The following TENM3 variants were observed in gnomAD, a reference collection of about 807,000 sequenced individuals.
The protein encoded by TENM3 is teneurin transmembrane protein 3, also known as teneurin-3.
TENM3 carries 63 observed loss-of-function variants against 255.1 expected under a neutral mutation model. The observed-to-expected ratio is 0.25, with a 90% CI of 0.20 to 0.30. The LOEUF is 0.30. TENM3 is among the 10% of genes least tolerant of loss of function. The pLI, the probability that TENM3 is intolerant of heterozygous loss-of-function variation, is 1.00. For missense variants in TENM3, 2,929 were observed against 3,461.1 expected, an observed-to-expected ratio of 0.85 and a Z score of 3.86; for synonymous variants, 1,306 against 1,322.3, an observed-to-expected ratio of 0.99 and a Z score of 0.27.
chr4:181,649,560 C>T, the TENM3 span, among the ~76,000 whole-genome samples: 3 of 152,128 alleles, frequency 2.0e-5, no homozygotes, highest in Admixed American at 1.3e-4. Context: ...TCAGGAACTG[C>T]TAATGAAGAG....
At chr4:181,953,790 G>A in the TENM3 span, among the ~76,000 whole-genome samples, 215 of 151,986 alleles carry the variant, frequency 1.4e-3, no homozygotes, top group African/African-American at 4.9e-3. Context: ...TTGACATTCA[G>A]GTATAATTTA....
intron 3 of TENM3, among the ~76,000 whole-genome samples, chr4:182,559,991 A>G (rs1402226400): frequency 1.3e-5 from 2 of 152,116 alleles, no homozygotes; most frequent in Non-Finnish European, 2.9e-5. Flanking sequence ...TTTATTACAC[A>G]TTGTATCCCT....
rs1766823471 is a variant in TENM3 at position 182,800,115 on chromosome 4, G to C, written c.7864G>C (p.Glu2622Gln). ...GGACGAGGAGAAGGCGCGCATCCTGGAGCAGGCGCGGCAGCGCGCGCTCGC... is the reference window on the plus strand; with the variant it reads ...GGACGAGGAGAAGGCGCGCATCCTGCAGCAGGCGCGGCAGCGCGCGCTCGC... ...TLDEEKARIL[E>Q]QARQRALARA... The change falls in exon 28 of 28, where the codon GAG (glutamate) becomes CAG (glutamine). Residue 2622 changes from glutamate to glutamine, a missense_variant. Around this residue, in one of 6 missense-constraint regions of TENM3, gnomAD observed 476 missense variants for 480.1 expected, o/e 0.99. Coordinates refer to ENST00000511685, the MANE Select transcript of TENM3 (RefSeq NM_001080477.4). 1 of 1,538,626 alleles carries C rather than the reference G, an allele frequency of 6.5e-7. No homozygotes were observed. The highest frequency in any genetic ancestry group is 2.2e-5 in the Admixed American group (1 of 46,474).
chr4:181,517,263 G>T, the TENM3 span, among the ~76,000 whole-genome samples: 1 of 152,108 alleles, frequency 6.6e-6, no homozygotes, highest in Non-Finnish European at 1.5e-5. Flanking sequence ...ATTTTATGAG[G>T]AACTGACATT....
chr4:182,289,469 G>A (rs1760968160), intron 1 of TENM3, among the ~76,000 whole-genome samples: 1 of 152,204 alleles, frequency 6.6e-6, no homozygotes, highest in Non-Finnish European at 1.5e-5. Context: ...AGGGACACAT[G>A]TATACTTGTC....
intron 1 of TENM3, among the ~76,000 whole-genome samples, chr4:182,299,010 A>AAAAAAAAAAAAAG: frequency 8.1e-6 from 1 of 123,252 alleles, no homozygotes; most frequent in Non-Finnish European, 1.6e-5. Context: ...AAAAAAAAAA[A>AAAAAAAAAAAAAG]AAAAAAGAGG....
chr4:181,637,141 G>C, the TENM3 span, among the ~76,000 whole-genome samples: 1 of 152,164 alleles, frequency 6.6e-6, no homozygotes, highest in African/African-American at 2.4e-5. Context: ...ACAAGATTGC[G>C]AAGCCCCTTC....
chr4:182,193,095 C>T (rs1753620756), intron 1 of TENM3, among the ~76,000 whole-genome samples: 1 of 152,084 alleles, frequency 6.6e-6, no homozygotes, highest in African/African-American at 2.4e-5. Flanking sequence ...TTGTGTATTC[C>T]CATGAGTGTA....
intron 12 of TENM3, among the ~76,000 whole-genome samples, chr4:182,695,002 T>C (rs9996398): frequency 0.12 from 17,579 of 152,256 alleles, 1,253 homozygotes; most frequent in African/African-American, 0.19. Flanking sequence ...CAATATTCTT[T>C]GCAACTTTTG....
chr4:182,217,418 C>T (rs1310292465), intron 1 of TENM3, among the ~76,000 whole-genome samples: 1 of 152,086 alleles, frequency 6.6e-6, no homozygotes, highest in Non-Finnish European at 1.5e-5. Flanking sequence ...ATGTTTATAT[C>T]AAATAGGATA....
the TENM3 span, among the ~76,000 whole-genome samples, chr4:181,740,373 CTTTA>C: frequency 1.8e-4 from 28 of 152,002 alleles, no homozygotes; most frequent in South Asian, 5.6e-3. Context: ...AGAATATTAA[CTTTA>C]TTTAACATGT....
intron 4 of TENM3, among the ~76,000 whole-genome samples, chr4:182,617,333 G>T (rs753375040): frequency 2.6e-5 from 4 of 152,216 alleles, no homozygotes; most frequent in Middle Eastern, 6.8e-3. Flanking sequence ...ATCTTAAAAT[G>T]AACTCTAGGC....
intron 3 of TENM3, among the ~76,000 whole-genome samples, chr4:182,572,406 C>T (rs552131768): frequency 4.6e-5 from 7 of 152,172 alleles, no homozygotes; most frequent in Non-Finnish European, 1.0e-4. Flanking sequence ...TACTTAAATG[C>T]CAGCCACAGC....
chr4:182,466,004 C>T (rs1236650849), intron 3 of TENM3, among the ~76,000 whole-genome samples: 1 of 152,020 alleles, frequency 6.6e-6, no homozygotes, highest in African/African-American at 2.4e-5. Context: ...TTATTGAAGG[C>T]TGAAACCAAA....
chr4:181,974,725 C>T, the TENM3 span, among the ~76,000 whole-genome samples: 2 of 152,198 alleles, frequency 1.3e-5, no homozygotes, highest in Admixed American at 6.5e-5. Context: ...AATACATTTA[C>T]TACCAGTGAC....
At chr4:182,038,182 C>A in the TENM3 span, among the ~76,000 whole-genome samples, 1 of 152,140 alleles carries the variant, frequency 6.6e-6, no homozygotes, top group African/African-American at 2.4e-5. Context: ...ATATGACTAG[C>A]TTCATTCTGA....
intron 24 of TENM3, among the ~76,000 whole-genome samples, chr4:182,788,339 G>T (rs1163573517): frequency 1.3e-5 from 2 of 152,202 alleles, no homozygotes; most frequent in African/African-American, 2.4e-5. Flanking sequence ...TGAAGGCTGG[G>T]TTGTGTATGC....
chr4:182,533,852 G>T (rs933498087), intron 3 of TENM3, among the ~76,000 whole-genome samples: 1 of 151,784 alleles, frequency 6.6e-6, no homozygotes, highest in East Asian at 1.9e-4. Context: ...GGGGGAGGTT[G>T]CAGTGAGCCA....
At chr4:181,593,543 G>A in the TENM3 span, among the ~76,000 whole-genome samples, 6 of 152,288 alleles carry the variant, frequency 3.9e-5, no homozygotes, top group East Asian at 1.2e-3. Flanking sequence ...GCCAGATCTT[G>A]CAATGGAAAC....
Sources: gnomAD v4.1 joint callset for allele counts (sites outside exome capture counted in the v4.1 genomes callset) on GRCh38, gnomAD v4.1.1 for gene constraint, gnomAD v4.1.1 regional missense constraint, MANE v1.5 for transcripts, NCBI Gene and HGNC (gene_info 2026-07-23, HGNC 2026-07-21) for gene names.